WNK1: variants seen among roughly 807,000 people sequenced by gnomAD.
WNK1 encodes the protein WNK lysine deficient protein kinase 1.
WNK1 carries 38 observed loss-of-function variants against 222.8 expected under a neutral mutation model. The ratio of observed to expected loss-of-function variants is 0.17; its 90% CI spans 0.13 to 0.22. The LOEUF (loss-of-function observed/expected upper bound fraction) is 0.22. Among genes scored for constraint, WNK1 ranks in the 10% least tolerant of loss-of-function variants. The probability of loss-of-function intolerance (pLI) is 1.00; values close to 1 mark genes in which losing one functional copy is unlikely to be tolerated. For missense variants in WNK1, 2,348 were observed against 2,918.4 expected (o/e 0.80, Z 4.50); for synonymous variants, 1,090 against 1,092.9 (o/e 1.00, Z 0.05).
intron 1 of WNK1, among the ~76,000 whole-genome samples, chr12:757,309 C>CTTTT (rs946901263): frequency 1.2e-5 from 1 of 83,600 alleles, no homozygotes; most frequent in Non-Finnish European, 2.2e-5. Flanking sequence ...AGCATCAATT[C>CTTTT]TTTTTTTTTT....
intron 8 of WNK1, among the ~76,000 whole-genome samples, chr12:867,098 G>A (rs1163907298): frequency 6.6e-6 from 1 of 152,086 alleles, no homozygotes; most frequent in African/African-American, 2.4e-5. Context: ...TCCAGCCTGG[G>A]CGAAAGAGGA....
At chr12:811,464 T>A (rs1946898958) in intron 1 of WNK1, among the ~76,000 whole-genome samples, 1 of 152,166 alleles carries the variant, frequency 6.6e-6, no homozygotes, top group Admixed American at 6.5e-5. Flanking sequence ...TTCATGTGAA[T>A]TTGAGGGAGA....
At chr12:819,226 T>TA (rs1345836234) in intron 2 of WNK1, among the ~76,000 whole-genome samples, 1 of 152,240 alleles carries the variant, frequency 6.6e-6, no homozygotes, top group East Asian at 1.9e-4. Context: ...GAGTTCTTTA[T>TA]ATATTTTAGA....
intron 6 of WNK1, among the ~76,000 whole-genome samples, chr12:860,744 C>T (rs1474842724): frequency 1.3e-5 from 2 of 152,110 alleles, no homozygotes; most frequent in South Asian, 4.1e-4. Flanking sequence ...CCTATTGTTT[C>T]GTTGTTTGTT....
chr12:902,677 T>C (rs560096006), intron 26 of WNK1, among the ~76,000 whole-genome samples: 1 of 152,328 alleles, frequency 6.6e-6, no homozygotes, highest in East Asian at 1.9e-4. Context: ...TCACCCCATC[T>C]TCCCCATATG....
At chr12:817,688 C>G (rs951881901) in intron 2 of WNK1, among the ~76,000 whole-genome samples, 1 of 152,116 alleles carries the variant, frequency 6.6e-6, no homozygotes. Flanking sequence ...CCTGTAATCC[C>G]AGCACTTTGA....
intron 4 of WNK1, among the ~76,000 whole-genome samples, chr12:842,793 G>A (rs1355375941): frequency 1.3e-5 from 2 of 152,286 alleles, no homozygotes; most frequent in Middle Eastern, 6.8e-3. Flanking sequence ...AGAAGGAAGA[G>A]AAACTGTAAT....
At chr12:777,158 G>GTTTTTTTTTTTTTTT (rs560869282) in intron 1 of WNK1, among the ~76,000 whole-genome samples, 2 of 131,158 alleles carry the variant, frequency 1.5e-5, no homozygotes, top group Admixed American at 7.6e-5. Flanking sequence ...GATTTTTTTT[G>GTTTTTTTTTTTTTTT]TTTTTTTTTT....
chr12:820,466 GTT>G (rs3072715), intron 2 of WNK1, among the ~76,000 whole-genome samples: 21,262 of 89,472 alleles, frequency 0.24, 2,266 homozygotes, highest in East Asian at 0.4. Flanking sequence ...ATTCTTTGGG[GTT>G]TTTTTTTTTT....
Position 758,877 on chromosome 12 carries a change from T to G in WNK1, c.759+4553T>G, listed in dbSNP as rs941420580. Reference sequence around the variant, plus strand: ...GTAATCTAAAAACCTGGAAAGAGGTTGTTTTTGTGTAAAACAAACCAGGAA... The same window carrying G: ...GTAATCTAAAAACCTGGAAAGAGGTGGTTTTTGTGTAAAACAAACCAGGAA... On this transcript the variant is annotated intron_variant, in intron 1 of 27. Transcript: ENST00000315939. Among the ~76,000 whole-genome samples the G allele has an allele frequency of 3.4e-5, 5 of 147,516 alleles. No individual in the cohort carries two copies. In the East Asian group the frequency reaches 9.7e-4, roughly 29 times the overall value.
intron 1 of WNK1, among the ~76,000 whole-genome samples, chr12:768,556 A>G (rs529597808): frequency 1.3e-5 from 2 of 152,168 alleles, no homozygotes; most frequent in Non-Finnish European, 2.9e-5. Flanking sequence ...GATTTCTGTG[A>G]TAAGAATCTT....
chr12:864,723 T>A (rs1951496574), intron 8 of WNK1, among the ~76,000 whole-genome samples: 1 of 152,218 alleles, frequency 6.6e-6, no homozygotes, highest in South Asian at 2.1e-4. Context: ...ATAGAATTCA[T>A]TCTTGTTGAA....
intron 22 of WNK1, among the ~76,000 whole-genome samples, chr12:891,244 T>C (rs570092162): frequency 6.6e-6 from 1 of 152,310 alleles, no homozygotes; most frequent in East Asian, 1.9e-4. Context: ...GTTCAAGCGA[T>C]TTTCCTGCCT....
intron 7 of WNK1, 91 bp downstream of exon 7, chr12:861,434 T>C (rs1369815485): frequency 3.4e-6 from 4 of 1,175,488 alleles, no homozygotes; most frequent in Non-Finnish European, 5.0e-6. Flanking sequence ...TTTTTGGTTT[T>C]GAATTATGAA....
intron 8 of WNK1, among the ~76,000 whole-genome samples, chr12:864,241 A>G (rs1951447889): frequency 6.6e-6 from 1 of 151,246 alleles, no homozygotes; most frequent in South Asian, 2.1e-4. Flanking sequence ...CCCAGTAGCT[A>G]AGATTACAGG....
Position 844,585 on chromosome 12 carries a change from C to T in WNK1, c.1312-12576C>T, listed in dbSNP as rs1473079173. Among the ~76,000 whole-genome samples, 3 of 152,222 alleles carry T rather than the reference C, an allele frequency of 2.0e-5. No individual in the cohort carries two copies. In the East Asian group the frequency reaches 5.8e-4, roughly 29 times the overall value. On this transcript the variant is annotated intron_variant, in intron 4 of 27. Coordinates refer to ENST00000315939, the MANE Select transcript of WNK1 (RefSeq NM_018979.4). ...GGCATGCATTTGTGCTTTATTTTTCCTCTAAGCTATGAAAATTTAGTTGTG... is the reference window on the plus strand; with the variant it reads ...GGCATGCATTTGTGCTTTATTTTTCTTCTAAGCTATGAAAATTTAGTTGTG...
chr12:768,138 C>T (rs547852866), intron 1 of WNK1, among the ~76,000 whole-genome samples: 6 of 151,816 alleles, frequency 4.0e-5, no homozygotes, highest in Admixed American at 6.6e-5. Flanking sequence ...TTTTTTTGTT[C>T]GTTTGTTTTT....
chr12:890,318 G>A lies in WNK1; in HGVS notation c.5449-135G>A, dbSNP rs1002500750. The A allele has an allele frequency of 8.8e-6, 8 of 904,668 alleles. No individual in the cohort carries two copies. The African/African-American group carries it at 1.3e-4, about 15-fold the overall frequency. The allele number at this position is 904,668 out of a possible 1,614,324, so 56.0% of individuals were successfully genotyped here. On this transcript the variant is annotated intron_variant, in intron 21 of 27. Coordinates refer to ENST00000315939, the MANE Select transcript of WNK1 (RefSeq NM_018979.4). ...AAAGAAAAAGGAAAGAAGATAAAAT[G>A]TTCTCAGACATAAGTGTTTCATCAC...
At chr12:773,626 T>C (rs1942788293) in intron 1 of WNK1, among the ~76,000 whole-genome samples, 1 of 152,200 alleles carries the variant, frequency 6.6e-6, no homozygotes, top group Non-Finnish European at 1.5e-5. Flanking sequence ...CCTCTCATGA[T>C]GGATTTTAAT....
Sources: allele counts gnomAD v4.1 joint callset (sites outside exome capture counted in the v4.1 genomes callset), GRCh38; gene constraint gnomAD v4.1.1; transcripts MANE v1.5; gene names NCBI Gene and HGNC (gene_info 2026-07-23, HGNC 2026-07-21).